Variants in LYPLAL1 observed in about 807,000 individuals in gnomAD.
LYPLAL1 encodes the protein lysophospholipase-like protein 1.
In LYPLAL1, 23 loss-of-function variants were observed where a neutral mutation model predicts 19.7. That is an observed-to-expected ratio of 1.17 (90% CI 0.84 to 1.65). The LOEUF (loss-of-function observed/expected upper bound fraction) is 1.65. LYPLAL1 is among the 40% of genes most tolerant of loss of function. The pLI is 0.00. For synonymous variants in LYPLAL1, 119 were observed against 96.3 expected (o/e 1.24, Z -1.38); for missense variants, 355 against 279.4 (o/e 1.27, Z -1.93).
chr1:219,340,427 A>C, the LYPLAL1 span, among the ~76,000 whole-genome samples: 5 of 152,092 alleles, frequency 3.3e-5, no homozygotes, highest in African/African-American at 1.2e-4. Flanking sequence ...TTCATATCTA[A>C]TGGAAGTGGT....
chr1:219,223,397 A>G, the LYPLAL1 span, among the ~76,000 whole-genome samples: 1 of 152,190 alleles, frequency 6.6e-6, no homozygotes, highest in Non-Finnish European at 1.5e-5. Flanking sequence ...TCCTCCTGCA[A>G]AACCTTTATT....
the LYPLAL1 span, among the ~76,000 whole-genome samples, chr1:219,425,804 C>T: frequency 6.6e-6 from 1 of 152,136 alleles, no homozygotes; most frequent in Non-Finnish European, 1.5e-5. Context: ...CATATTCTAT[C>T]TAAGTATGTC....
the LYPLAL1 span, among the ~76,000 whole-genome samples, chr1:219,326,895 C>T: frequency 6.6e-6 from 1 of 152,054 alleles, no homozygotes; most frequent in African/African-American, 2.4e-5. Flanking sequence ...AACCAAAGCC[C>T]AAAGAGAAAA....
the LYPLAL1 span, among the ~76,000 whole-genome samples, chr1:219,350,485 C>T: frequency 1.3e-5 from 2 of 152,332 alleles, no homozygotes; most frequent in African/African-American, 2.4e-5. Context: ...GCTACACTGC[C>T]TCCTCCTTCT....
At chr1:219,235,990 A>G in the LYPLAL1 span, among the ~76,000 whole-genome samples, 1 of 152,224 alleles carries the variant, frequency 6.6e-6, no homozygotes, top group African/African-American at 2.4e-5. Context: ...ATTAGTCCTT[A>G]TGTGAAGGAC....
the LYPLAL1 span, among the ~76,000 whole-genome samples, chr1:219,219,558 T>C: frequency 1.3e-5 from 2 of 152,170 alleles, no homozygotes. Context: ...TTGAGTGCAG[T>C]TCTTGGTTTA....
chr1:219,254,401 T>C, the LYPLAL1 span, among the ~76,000 whole-genome samples: 3 of 152,138 alleles, frequency 2.0e-5, no homozygotes, highest in South Asian at 6.2e-4. Context: ...AAGTGTGTTT[T>C]TGTATTAGCT....
At chr1:219,244,215 G>A in the LYPLAL1 span, among the ~76,000 whole-genome samples, 1 of 152,198 alleles carries the variant, frequency 6.6e-6, no homozygotes, top group Non-Finnish European at 1.5e-5. Flanking sequence ...AGTGAGGGAT[G>A]CAGTTATTGC....
chr1:219,289,314 T>C, the LYPLAL1 span, among the ~76,000 whole-genome samples: 69,463 of 151,902 alleles, frequency 0.46, 16,314 homozygotes, highest in East Asian at 0.69. Flanking sequence ...AGAGCTGTAG[T>C]GAGATCAAAT....
At chr1:219,326,531 T>C in the LYPLAL1 span, among the ~76,000 whole-genome samples, 1 of 152,136 alleles carries the variant, frequency 6.6e-6, no homozygotes, top group African/African-American at 2.4e-5. Flanking sequence ...TGATCCCCAA[T>C]TCCCTTCTGG....
the LYPLAL1 span, among the ~76,000 whole-genome samples, chr1:219,308,430 G>A: frequency 6.6e-6 from 1 of 152,204 alleles, no homozygotes; most frequent in African/African-American, 2.4e-5. Context: ...CCAAGATAAT[G>A]GGAAAAATGT....
chr1:219,281,953 G>A, the LYPLAL1 span, among the ~76,000 whole-genome samples: 1 of 152,094 alleles, frequency 6.6e-6, no homozygotes, highest in South Asian at 2.1e-4. Context: ...CAGTATTTTA[G>A]CCACTCTCTC....
At chr1:219,320,650 C>G in the LYPLAL1 span, among the ~76,000 whole-genome samples, 1 of 151,908 alleles carries the variant, frequency 6.6e-6, no homozygotes, top group Non-Finnish European at 1.5e-5. Flanking sequence ...TCCAAGTGTT[C>G]TCATTGTTCA....
At chr1:219,228,063 T>G in the LYPLAL1 span, among the ~76,000 whole-genome samples, 2 of 152,162 alleles carry the variant, frequency 1.3e-5, no homozygotes, top group African/African-American at 4.8e-5. Flanking sequence ...GAGAGACGGC[T>G]TCAGCGGTTC....
At chr1:219,434,889 GAA>G in the LYPLAL1 span, among the ~76,000 whole-genome samples, 1,951 of 149,040 alleles carry the variant, frequency 0.013, 37 homozygotes, top group African/African-American at 0.045. Context: ...TGCTGTACTG[GAA>G]AAAAAAAAAT....
chr1:219,297,446 G>A, the LYPLAL1 span, among the ~76,000 whole-genome samples: 3 of 152,118 alleles, frequency 2.0e-5, no homozygotes, highest in African/African-American at 7.2e-5. Flanking sequence ...ACAAAGGCAG[G>A]CCATTTGGTT....
the LYPLAL1 span, among the ~76,000 whole-genome samples, chr1:219,255,027 G>C: frequency 3.3e-5 from 5 of 151,678 alleles, no homozygotes; most frequent in Admixed American, 3.3e-4. Context: ...TTCACATTCT[G>C]AGTTCTTTTC....
the LYPLAL1 span, among the ~76,000 whole-genome samples, chr1:219,332,786 A>G: frequency 6.6e-6 from 1 of 151,020 alleles, no homozygotes; most frequent in African/African-American, 2.4e-5. Context: ...ATCTAAAGAA[A>G]GGGGTTCAAT....
chr1:219,307,420 T>C, the LYPLAL1 span, among the ~76,000 whole-genome samples: 1 of 152,214 alleles, frequency 6.6e-6, no homozygotes, highest in Non-Finnish European at 1.5e-5. Flanking sequence ...TGATTAGGAA[T>C]ACTCATTTTG....
Sources: allele counts gnomAD v4.1 joint callset (sites outside exome capture counted in the v4.1 genomes callset), GRCh38; gene constraint gnomAD v4.1.1; transcripts MANE v1.5; gene names NCBI Gene and HGNC (gene_info 2026-07-23, HGNC 2026-07-21).